Variants in CRACD observed in about 807,000 individuals in gnomAD.
CRACD encodes the protein capping protein-inhibiting regulator of actin dynamics.
In CRACD, 56 loss-of-function variants were observed where a neutral mutation model predicts 106.8. The ratio of observed to expected loss-of-function variants is 0.52; its 90% CI spans 0.42 to 0.66. CRACD has a LOEUF of 0.66. CRACD is among the 30% of genes least tolerant of loss of function. The pLI is 0.00. For synonymous variants in CRACD, 754 were observed against 670.8 expected, an observed-to-expected ratio of 1.12 and a Z score of -1.92; for missense variants, 1,730 against 1,623.2, an observed-to-expected ratio of 1.07 and a Z score of -1.13.
intron 1 of CRACD, among the ~76,000 whole-genome samples, chr4:56,065,710 C>G (rs756785651): frequency 6.6e-6 from 1 of 152,058 alleles, no homozygotes. Flanking sequence ...ACTATTTTAC[C>G]CATTTTTAAG....
At chr4:56,269,562 CTTT>C (rs56162079) in intron 2 of CRACD, among the ~76,000 whole-genome samples, 1,291 of 112,090 alleles carry the variant, frequency 0.012, 10 homozygotes, top group Middle Eastern at 0.019. Flanking sequence ...AGGTGCCACA[CTTT>C]TTTTTTTTTT....
intron 1 of CRACD, among the ~76,000 whole-genome samples, chr4:56,116,666 TTC>T (rs756874960): frequency 4.6e-5 from 7 of 152,202 alleles, no homozygotes; most frequent in Non-Finnish European, 8.8e-5. Context: ...ATAGTGCATC[TTC>T]TTTTTGTTTT....
intron 2 of CRACD, among the ~76,000 whole-genome samples, chr4:56,191,892 T>G (rs1737385355): frequency 6.6e-6 from 1 of 152,174 alleles, no homozygotes; most frequent in South Asian, 2.1e-4. Flanking sequence ...TTCTTGTACA[T>G]GAATCTGCTT....
At chr4:56,249,903 T>G (rs929809250) in intron 2 of CRACD, among the ~76,000 whole-genome samples, 3 of 152,226 alleles carry the variant, frequency 2.0e-5, no homozygotes, top group Non-Finnish European at 2.9e-5. Context: ...TATGTGTTTG[T>G]CCAGAATTGT....
chr4:56,071,990 T>C (rs1732671266), intron 1 of CRACD, among the ~76,000 whole-genome samples: 1 of 150,994 alleles, frequency 6.6e-6, no homozygotes, highest in South Asian at 2.1e-4. Flanking sequence ...TAGCCGGGCG[T>C]GGTGGCGGGC....
chr4:56,071,910 G>A (rs1017917825), intron 1 of CRACD, among the ~76,000 whole-genome samples: 3 of 151,834 alleles, frequency 2.0e-5, no homozygotes, highest in Non-Finnish European at 4.4e-5. Context: ...GGCGGATCAT[G>A]AGGTCAGGAG....
At chr4:56,070,732 A>AT (rs1210594578) in intron 1 of CRACD, among the ~76,000 whole-genome samples, 1 of 151,970 alleles carries the variant, frequency 6.6e-6, no homozygotes, top group Non-Finnish European at 1.5e-5. Flanking sequence ...CGGGGTGGTG[A>AT]TGGGGGGTCA....
chr4:56,228,480 C>T (rs751079271), intron 2 of CRACD, among the ~76,000 whole-genome samples: 13 of 151,820 alleles, frequency 8.6e-5, no homozygotes, highest in African/African-American at 2.7e-4. Flanking sequence ...TTGCCTAAGT[C>T]GGCCAGGATG....
chr4:56,298,627 C>T (rs139723973), intron 4 of CRACD, among the ~76,000 whole-genome samples: 2 of 152,238 alleles, frequency 1.3e-5, no homozygotes, highest in East Asian at 3.9e-4. Context: ...AAAACAAGTA[C>T]CCAAGAGAAG....
chr4:56,049,461 G>C (rs563024945), intron 1 of CRACD, among the ~76,000 whole-genome samples, 162 bp downstream of exon 1: 1 of 152,086 alleles, frequency 6.6e-6, no homozygotes, highest in East Asian at 1.9e-4. Flanking sequence ...GGTGGGCTTC[G>C]GGGCGGTGTC....
chr4:56,302,888 A>T (rs1744450683), intron 4 of CRACD, among the ~76,000 whole-genome samples: 1 of 152,196 alleles, frequency 6.6e-6, no homozygotes, highest in Admixed American at 6.5e-5. Context: ...AGCATTCCAC[A>T]TTACAACAAA....
intron 1 of CRACD, among the ~76,000 whole-genome samples, chr4:56,164,567 A>G (rs1183334613): frequency 1.3e-5 from 2 of 152,252 alleles, no homozygotes. Context: ...AAAGGGAGCC[A>G]TACTGTATGA....
At position 56,330,300 on chromosome 4, in the gene CRACD, T is replaced by C. The variant is rs1201017529; in HGVS notation, c.*2496T>C. On this transcript the variant is annotated 3_prime_UTR_variant, in exon 11 of 11. Transcript: ENST00000682029. ...AAACTAGAGGGTTTTTTGTTTACTT[T>C]TTTAATTTTTCAAGTGCAATTGTTT... is the stretch of plus-strand genomic sequence containing the variant. Among the ~76,000 whole-genome samples, 1 of 152,182 alleles carries C rather than the reference T, an allele frequency of 6.6e-6. No individual in the cohort carries two copies. Among genetic ancestry groups the C allele is most frequent in the Non-Finnish European group, 1.5e-5 (1 of 68,032 alleles).
intron 1 of CRACD, among the ~76,000 whole-genome samples, chr4:56,094,831 T>C (rs1213723025): frequency 6.6e-6 from 1 of 152,218 alleles, no homozygotes; most frequent in African/African-American, 2.4e-5. Context: ...TTGTCAATTC[T>C]AGTTTTTAAA....
chr4:56,208,930 C>T (rs1325094161), intron 2 of CRACD, among the ~76,000 whole-genome samples: 1 of 152,150 alleles, frequency 6.6e-6, no homozygotes, highest in African/African-American at 2.4e-5. Context: ...GTTTTCCAAA[C>T]AATCTAAAGA....
intron 1 of CRACD, among the ~76,000 whole-genome samples, chr4:56,141,959 G>T (rs1214712396): frequency 1.3e-5 from 2 of 152,006 alleles, no homozygotes; most frequent in African/African-American, 2.4e-5. Context: ...TTCCCAAAGT[G>T]CTAGGATTAT....
intron 1 of CRACD, among the ~76,000 whole-genome samples, chr4:56,120,443 A>G (rs1734445535): frequency 6.6e-6 from 1 of 152,236 alleles, no homozygotes; most frequent in Non-Finnish European, 1.5e-5. Flanking sequence ...AACTACAAAT[A>G]TGCTGAGAAA....
chr4:56,218,222 G>A (rs1245613234), intron 2 of CRACD, among the ~76,000 whole-genome samples: 4 of 151,972 alleles, frequency 2.6e-5, no homozygotes, highest in Non-Finnish European at 4.4e-5. Flanking sequence ...CTTTTGGTGG[G>A]GGACACAATT....
At chr4:56,181,161 G>A (rs1276580236) in intron 2 of CRACD, among the ~76,000 whole-genome samples, 1 of 152,192 alleles carries the variant, frequency 6.6e-6, no homozygotes, top group Non-Finnish European at 1.5e-5. Context: ...TGAGAACATG[G>A]AGAAAAGAAA....
Sources: gnomAD v4.1 joint callset for allele counts (sites outside exome capture counted in the v4.1 genomes callset) on GRCh38, gnomAD v4.1.1 for gene constraint, MANE v1.5 for transcripts, NCBI Gene and HGNC (gene_info 2026-07-23, HGNC 2026-07-21) for gene names.